The following COL18A1 variants were observed in gnomAD, a reference collection of about 807,000 sequenced individuals.
COL18A1 encodes collagen alpha-1(XVIII) chain.
Under a neutral mutation model 168.0 loss-of-function variants are expected in COL18A1, and 133 were observed. The observed-to-expected ratio is 0.79, with a 90% CI of 0.69 to 0.91. COL18A1 has a LOEUF of 0.91. Ranked by LOEUF, COL18A1 falls within the 40% of genes least tolerant of loss-of-function variation. The probability of loss-of-function intolerance (pLI) is 0.00; values close to 1 mark genes in which losing one functional copy is unlikely to be tolerated. For missense variants in COL18A1, 2,126 were observed against 1,925.4 expected (o/e 1.10, Z -1.95); for synonymous variants, 949 against 809.0 (o/e 1.17, Z -2.94).
At position 45,425,056 on chromosome 21, in the gene COL18A1, C is replaced by T. The variant is rs2033749232; in HGVS notation, c.106+19583C>T. The T allele has an allele frequency of 1.3e-5, 2 of 152,344 alleles. No homozygotes were observed. The highest frequency in any genetic ancestry group is 1.3e-4 in the Admixed American group (2 of 15,302). The allele number at this position is 152,344 out of a possible 1,614,324, so 9.4% of individuals were successfully genotyped here. On this transcript the variant is annotated intron_variant, in intron 2 of 41. Transcript: ENST00000651438. The surrounding 1 kb of genome is among the most constrained non-coding windows in gnomAD (Gnocchi z 4.1). ...GGAGGTTTCTCAGATGCCCCGGGCTCGGGGGCCAGTCAGTCTCATGAGGAC... is the reference window on the plus strand; with the variant it reads ...GGAGGTTTCTCAGATGCCCCGGGCTTGGGGGCCAGTCAGTCTCATGAGGAC...
Position 45,484,066 on chromosome 21 carries a change from A to AC in COL18A1, c.1701+1246dup, listed in dbSNP as rs1394436306. On this transcript the variant is annotated intron_variant, in intron 15 of 41. Transcript: ENST00000651438. ...CTCCAGCATATGTACACACACACACACTTCTCCAGCATATGTACACACACA... is the reference window on the plus strand; with the variant it reads ...CTCCAGCATATGTACACACACACACACCTTCTCCAGCATATGTACACACACA... Among the ~76,000 whole-genome samples the AC allele has an allele frequency of 6.3e-3, 704 of 111,358 alleles. 249 individuals carry two copies. The highest frequency in any genetic ancestry group is 0.029 in the African/African-American group (661 of 22,598). 73.1% of individuals were successfully genotyped at this position (111,358 alleles called of 152,430 possible). A position where few individuals can be genotyped will look rare whatever the true frequency, so the allele number is the denominator to read the frequency against.
intron 9 of COL18A1, among the ~76,000 whole-genome samples, chr21:45,478,574 T>G (rs915028124): frequency 6.6e-6 from 1 of 151,468 alleles, no homozygotes; most frequent in African/African-American, 2.4e-5. Context: ...ACAACTACCA[T>G]GAAGAAGGAA....
At chr21:45,495,034 T>C in intron 28 of COL18A1, 119 bp downstream of exon 28, 1 of 910,770 alleles carries the variant, frequency 1.1e-6, no homozygotes, top group Non-Finnish European at 1.7e-6. Context: ...CCCACTGTCC[T>C]CCCCCAAGAA....
At chr21:45,444,297 T>G (rs2034458114) in intron 2 of COL18A1, among the ~76,000 whole-genome samples, 1 of 151,924 alleles carries the variant, frequency 6.6e-6, no homozygotes, top group Admixed American at 6.5e-5. Flanking sequence ...GTGGAGTGAA[T>G]GAAGGGCCGT....
intron 2 of COL18A1, among the ~76,000 whole-genome samples, chr21:45,409,729 C>A (rs1331550092): frequency 2.0e-5 from 3 of 152,270 alleles, no homozygotes; most frequent in Non-Finnish European, 2.9e-5. Context: ...AGCCTTGCTG[C>A]CTCAGTTTCC....
rs1228344688 is a variant in COL18A1 at position 45,468,606 on chromosome 21, C to T, written c.471C>T (p.Ala157=). 4 of 1,613,932 alleles carry T rather than the reference C, an allele frequency of 2.5e-6. No homozygotes were observed. The highest frequency in any genetic ancestry group is 3.4e-6 in the Non-Finnish European group (4 of 1,180,026). ...CAGCCGCCAGCTTCCGGCTCCCCGCCTTCGTCGGCCAGTGGACACACTTAG... is the reference window on the plus strand; with the variant it reads ...CAGCCGCCAGCTTCCGGCTCCCCGCTTTCGTCGGCCAGTGGACACACTTAG... ...THTAASFRLP[A]FVGQWTHLAL... The change falls in exon 3 of 42, where the codon GCC becomes GCT. Residue 157 remains alanine, a synonymous_variant. Transcript: ENST00000651438.
intron 36 of COL18A1, 49 bp from the exon 37 acceptor site, chr21:45,505,789 C>A: frequency 7.5e-7 from 1 of 1,336,786 alleles, no homozygotes; most frequent in Non-Finnish European, 1.0e-6. Flanking sequence ...CCGCCCCTGC[C>A]CCCCGCCCTC....
chr21:45,505,383 C>G lies in COL18A1; in HGVS notation c.3039C>G (p.Gly1013=), dbSNP rs749507428. ...RQTISVPGPP[G]PPGPPGPPGT... ...CTATCAGCGTTCCCGGCCCTCCGGG[C>G]CCCCCTGGGCCCCCTGGGCCCCCTG... is the stretch of plus-strand genomic sequence containing the variant. The change falls in exon 36 of 42, where the codon GGC becomes GGG. Residue 1013 remains glycine, a synonymous_variant. Transcript: ENST00000651438. 2 of 1,585,056 alleles carry G rather than the reference C, an allele frequency of 1.3e-6. No individual in the cohort carries two copies. The highest frequency in any genetic ancestry group is 1.7e-6 in the Non-Finnish European group (2 of 1,157,770).
intron 2 of COL18A1, among the ~76,000 whole-genome samples, chr21:45,449,221 C>T (rs1282858264): frequency 1.3e-5 from 2 of 152,214 alleles, no homozygotes; most frequent in Non-Finnish European, 2.9e-5. Context: ...TTGCACCAAG[C>T]CCGAGGGGAG....
At position 45,484,167 on chromosome 21, in the gene COL18A1, C is replaced by T. The variant is rs577973025; in HGVS notation, c.1701+1346C>T. 1.1e-4 allele frequency among the ~76,000 whole-genome samples: 15 copies of T among 142,334 alleles called. No individual in the cohort carries two copies. The South Asian group carries it at 3.5e-3, about 33-fold the overall frequency. 93.4% of individuals were successfully genotyped at this position (142,334 alleles called of 152,430 possible). Reference sequence around the variant, plus strand: ...CACACACACCTCTCCAGCATATGTACACGCGCACACACCTCTCCAGCATAT... The same window carrying T: ...CACACACACCTCTCCAGCATATGTATACGCGCACACACCTCTCCAGCATAT... On this transcript the variant is annotated intron_variant, in intron 15 of 41. Coordinates refer to ENST00000651438, the MANE Select transcript of COL18A1 (RefSeq NM_001379500.1).
At chr21:45,452,654 G>T (rs1037669530) in intron 2 of COL18A1, among the ~76,000 whole-genome samples, 1 of 151,980 alleles carries the variant, frequency 6.6e-6, no homozygotes, top group African/African-American at 2.4e-5. Context: ...GTGAGCTTGT[G>T]TATGCATGTA....
chr21:45,492,526 C>T lies in COL18A1; in HGVS notation c.2158-9C>T, dbSNP rs200143450. 1,920 of 1,613,404 alleles carry T rather than the reference C, an allele frequency of 1.2e-3. 8 individuals are homozygous for T. Among genetic ancestry groups the T allele is most frequent in the South Asian group, 1.5e-3 (140 of 91,078 alleles). On this transcript the variant is annotated splice_polypyrimidine_tract_variant and intron_variant, in intron 22 of 41. Coordinates refer to ENST00000651438, the MANE Select transcript of COL18A1 (RefSeq NM_001379500.1). ...TTTGTTTCCGATTTTTCCTTTTGCT[C>T]GTGGACAGGGATCCGTCCTGAGCGT...
rs762263431 is a variant in COL18A1, at chr21:45,456,821, G to T, written c.107-11421G>T. The T allele has an allele frequency of 2.9e-5, 45 of 1,525,914 alleles. No homozygotes were observed. Among genetic ancestry groups the T allele is most frequent in the Non-Finnish European group, 1.1e-5 (12 of 1,136,254 alleles). The allele number at this position is 1,525,914 out of a possible 1,614,324, so 94.5% of individuals were successfully genotyped here. A position where few individuals can be genotyped will look rare whatever the true frequency, so the allele number is the denominator to read the frequency against. Reference sequence around the variant, plus strand: ...CCTGGGCGGGGGCCGGCTGCCCGTCGCCTGTGCCTCGCTCCCGACCCAGGA... The same window carrying T: ...CCTGGGCGGGGGCCGGCTGCCCGTCTCCTGTGCCTCGCTCCCGACCCAGGA... On this transcript the variant is annotated intron_variant, in intron 2 of 41. Transcript: ENST00000651438.
At chr21:45,435,756 T>C (rs78069622) in intron 2 of COL18A1, among the ~76,000 whole-genome samples, 9,809 of 152,088 alleles carry the variant, frequency 0.064, 562 homozygotes, top group African/African-American at 0.15. Flanking sequence ...GCATCCCGAG[T>C]ACCTATGGGC....
At chr21:45,474,441 GTC>G (rs753934676) in intron 4 of COL18A1, among the ~76,000 whole-genome samples, 54 of 139,126 alleles carry the variant, frequency 3.9e-4, no homozygotes, top group Non-Finnish European at 7.3e-4. Flanking sequence ...TCTGTGGTGT[GTC>G]TCTGTGTGTA....
At chr21:45,418,015 C>T (rs75147404) in intron 2 of COL18A1, among the ~76,000 whole-genome samples, 10,879 of 152,286 alleles carry the variant, frequency 0.071, 749 homozygotes, top group African/African-American at 0.18. Flanking sequence ...GCCGCAGGAA[C>T]CGAGAAGGGC....
intron 2 of COL18A1, among the ~76,000 whole-genome samples, chr21:45,413,962 A>G (rs1352879667): frequency 6.6e-6 from 1 of 152,124 alleles, no homozygotes; most frequent in Non-Finnish European, 1.5e-5. Flanking sequence ...ATAAATTCTC[A>G]TTTCAGCTAA....
intron 21 of COL18A1, 117 bp downstream of exon 21, chr21:45,490,988 G>GGC (rs1382802227): frequency 1.9e-6 from 2 of 1,055,152 alleles, no homozygotes; most frequent in Admixed American, 2.1e-5. Context: ...AGAGACTCAG[G>GGC]GCAAAGACCC....
intron 18 of COL18A1, among the ~76,000 whole-genome samples, chr21:45,489,273 C>T (rs369946770): frequency 9.2e-5 from 14 of 152,306 alleles, no homozygotes; most frequent in African/African-American, 2.6e-4. Flanking sequence ...CCCCAGGTTC[C>T]GCAGCCGTCC....
Sources: gnomAD v4.1 joint callset for allele counts (sites outside exome capture counted in the v4.1 genomes callset) on GRCh38, gnomAD v4.1.1 for gene constraint, Gnocchi (gnomAD v3.1) non-coding constraint, MANE v1.5 for transcripts, NCBI Gene and HGNC (gene_info 2026-07-23, HGNC 2026-07-21) for gene names.